Variants in UGT2B11 observed in about 807,000 individuals in gnomAD.
The protein encoded by UGT2B11 is UDP glucuronosyltransferase family 2 member B11.
In UGT2B11, 49 loss-of-function variants were observed where a neutral mutation model predicts 51.7. The ratio of observed to expected loss-of-function variants is 0.95; its 90% confidence interval spans 0.75 to 1.20. The LOEUF (loss-of-function observed/expected upper bound fraction) is 1.20. UGT2B11 is among the 50% of genes most tolerant of loss of function. The probability of loss-of-function intolerance (pLI) is 0.00; values close to 1 mark genes in which losing one functional copy is unlikely to be tolerated. For synonymous variants in UGT2B11, 273 were observed against 209.0 expected (o/e 1.31, Z -2.64); for missense variants, 810 against 622.1 (o/e 1.30, Z -3.21).
intron 2 of UGT2B11, 109 bp downstream of exon 2, chr4:69,212,464 C>CT: frequency 6.5e-7 from 1 of 1,532,514 alleles, no homozygotes; most frequent in Non-Finnish European, 8.8e-7. Flanking sequence ...ACACCACCTA[C>CT]TTCCCATCTT....
chr4:69,200,806 A>C (rs1392108772), intron 5 of UGT2B11, 87 bp from the exon 6 acceptor site: 5 of 1,319,422 alleles, frequency 3.8e-6, no homozygotes, highest in Admixed American at 5.3e-5. Flanking sequence ...TTAAAGCATC[A>C]AATAATTCAA....
At chr4:69,213,871 A>G (rs1486178620) in intron 1 of UGT2B11, 131 bp downstream of exon 1, 13 of 1,273,406 alleles carry the variant, frequency 1.0e-5, no homozygotes, top group African/African-American at 7.6e-5. Flanking sequence ...TTGATAGATC[A>G]TCTTGTATTT....
chr4:69,202,323 T>G (rs1239921095), intron 5 of UGT2B11, among the ~76,000 whole-genome samples: 2 of 151,754 alleles, frequency 1.3e-5, no homozygotes, highest in African/African-American at 2.4e-5. Flanking sequence ...TAAAAGTGCA[T>G]GCAAACTTAT....
At chr4:69,224,171 C>A in the UGT2B11 span, among the ~76,000 whole-genome samples, 1 of 152,084 alleles carries the variant, frequency 6.6e-6, no homozygotes, top group Admixed American at 6.6e-5. Context: ...CTTCATCCTG[C>A]CTAGTGGGAA....
chr4:69,207,321 T>C (rs888914183), intron 3 of UGT2B11, among the ~76,000 whole-genome samples: 3 of 151,672 alleles, frequency 2.0e-5, no homozygotes, highest in East Asian at 1.9e-4. Flanking sequence ...GTTTAACTTT[T>C]ATTTGCTACA....
Position 69,214,643 on chromosome 4 carries a change from A to C in UGT2B11, c.80T>G (p.Leu27Arg). 10 of 1,613,214 alleles carry C rather than the reference A, an allele frequency of 6.2e-6. No individual in the cohort carries two copies. The highest frequency in any genetic ancestry group is 8.5e-6 in the Non-Finnish European group (10 of 1,179,356). Residue 27 changes from leucine to arginine, a missense_variant, in exon 1 of 6, where the codon CTG becomes CGG. Physicochemically the swap from Leu to Arg is moderately radical, Grantham distance 102. Transcript: ENST00000446444. ...YFSSGSCGKV[L>R]VWAAEYSHWM... is the part of the protein sequence containing the mutation. ...ATGGCTGTATTCTGCGGCCCACACC[A>C]GCACTTTTCCACAACTCCCAGAGCT... is the stretch of plus-strand genomic sequence containing the variant.
chr4:69,204,791 C>T (rs1721788560), intron 4 of UGT2B11, 142 bp from the exon 5 acceptor site: 43 of 1,343,984 alleles, frequency 3.2e-5, no homozygotes, highest in Middle Eastern at 2.5e-4. Flanking sequence ...TGAAAAAGCA[C>T]GTACTTGTTT....
Position 69,204,590 on chromosome 4 carries a change from T to C in UGT2B11, c.1150A>G (p.Ile384Val), listed in dbSNP as rs1363401832. ...CCCACCATAGGGATCCCATGGTAGA[T>C]TGCCTCATAGATGCCATTGGCTCCA... ...HGGANGIYEA[I>V]YHGIPMVGIP... Residue 384 changes from isoleucine (I) to valine (V), a missense_variant, in exon 5 of 6, where the codon ATC (isoleucine) becomes GTC (valine). Physicochemically the swap from Ile to Val is conservative, Grantham distance 29. Coordinates refer to ENST00000446444, the MANE Select transcript of UGT2B11 (RefSeq NM_001073.3). The C allele has an allele frequency of 1.9e-6, 3 of 1,612,154 alleles. No individual in the cohort carries two copies. The highest frequency in any genetic ancestry group is 3.3e-5 in the Admixed American group (2 of 59,838).
chr4:69,207,462 A>G (rs1342044628), intron 3 of UGT2B11, among the ~76,000 whole-genome samples: 1 of 151,692 alleles, frequency 6.6e-6, no homozygotes, highest in Non-Finnish European at 1.5e-5. Context: ...AGAAGAAAAT[A>G]TATTCCTACT....
intron 3 of UGT2B11, among the ~76,000 whole-genome samples, 172 bp downstream of exon 3, chr4:69,208,179 C>T (rs566670122): frequency 6.6e-6 from 1 of 151,676 alleles, no homozygotes; most frequent in Non-Finnish European, 1.5e-5. Flanking sequence ...CATGTAACCA[C>T]TAAGTCTGAG....
Position 69,204,662 on chromosome 4 carries a change from G to T in UGT2B11, c.1091-13C>A. On this transcript the variant is annotated splice_polypyrimidine_tract_variant and intron_variant, in intron 4 of 5. Coordinates refer to ENST00000446444, the MANE Select transcript of UGT2B11 (RefSeq NM_001073.3). ...GTTTTTGGATGACCTAGGATTGGAT[G>T]AATTTTAGCAAAATTATTCATAGGA... 1 of 1,610,866 alleles carries T rather than the reference G, an allele frequency of 6.2e-7. No homozygotes were observed. The highest frequency in any genetic ancestry group is 8.5e-7 in the Non-Finnish European group (1 of 1,178,184).
intron 3 of UGT2B11, among the ~76,000 whole-genome samples, 171 bp downstream of exon 3, chr4:69,208,177 CACT>C (rs1218451408): frequency 1.3e-5 from 2 of 151,494 alleles, no homozygotes; most frequent in African/African-American, 4.8e-5. Flanking sequence ...CACATGTAAC[CACT>C]AAGTCTGAGG....
At chr4:69,206,008 G>A (rs1721841705) in intron 3 of UGT2B11, among the ~76,000 whole-genome samples, 1 of 151,552 alleles carries the variant, frequency 6.6e-6, no homozygotes, top group Non-Finnish European at 1.5e-5. Context: ...GAAAAGGAAT[G>A]CTTATACTCT....
rs746911423 is a variant in UGT2B11, at chr4:69,200,566, G to T, written c.1464C>A (p.Tyr488Ter). The T allele has an allele frequency of 2.1e-5, 34 of 1,612,362 alleles. No homozygotes were observed. The South Asian group carries it at 2.9e-4, about 14-fold the overall frequency. The change falls in exon 6 of 6, where the codon TAC (tyrosine) becomes TAA (stop). Residue 488 changes from tyrosine to a stop codon, truncating the protein, a stop_gained. Transcript: ENST00000446444. LOFTEE classifies it high-confidence loss of function. ...GAAACCCAATCACATCCAAAGAGTG[G>T]TACTGGAACCAGGTGAGGTCATGGG... is the stretch of plus-strand genomic sequence containing the variant. ...VAAHDLTWFQ[Y>*]HSLDVIGFLL...
Position 69,212,566 on chromosome 4 carries a change from T to C in UGT2B11, c.870+7A>G. The C allele has an allele frequency of 6.2e-7, 1 of 1,602,936 alleles. No homozygotes were observed. The highest frequency in any genetic ancestry group is 8.5e-7 in the Non-Finnish European group (1 of 1,175,290). The stretch of plus-strand genomic sequence containing the variant: ...CAACAAAATAAAACCAACAAAAGTA[T>C]GTTTACCTTAGGTAGGGGTTTGGCA... On this transcript the variant is annotated splice_region_variant and intron_variant, in intron 2 of 5. Coordinates refer to ENST00000446444, the MANE Select transcript of UGT2B11 (RefSeq NM_001073.3).
chr4:69,208,512 A>T, intron 2 of UGT2B11, 30 bp from the exon 3 acceptor site: 1 of 1,606,568 alleles, frequency 6.2e-7, no homozygotes, highest in Non-Finnish European at 8.5e-7. Context: ...TCATCACAAA[A>T]GAGTATCACC....
Position 69,212,718 on chromosome 4 carries a change from C to T in UGT2B11, c.725G>A (p.Arg242Lys). Reference protein sequence around the residue: ...WDQFYSEVLGRPTTLFETMGK... With the variant: ...WDQFYSEVLGKPTTLFETMGK... ...CATTGTCTCAAATAAGGTAGTGGGT[C>T]TTCCTGACAGGAATAAAGAAAAGAA... The change falls in exon 2 of 6, where the codon AGA becomes AAA. Residue 242 changes from arginine (R) to lysine (K), a missense_variant. By Grantham distance (26) the Arg-to-Lys change is conservative. Transcript: ENST00000446444. 1 of 1,601,898 alleles carries T rather than the reference C, an allele frequency of 6.2e-7. No homozygotes were observed. The highest frequency in any genetic ancestry group is 8.5e-7 in the Non-Finnish European group (1 of 1,175,724).
chr4:69,219,383 G>A (rs756301225), upstream of UGT2B11, among the ~76,000 whole-genome samples: 18 of 152,000 alleles, frequency 1.2e-4, no homozygotes, highest in East Asian at 1.9e-4. Context: ...ATATTCGCCC[G>A]TTCTGTAAGT....
chr4:69,214,952 A>T, upstream of UGT2B11: 1 of 645,416 alleles, frequency 1.5e-6, no homozygotes, highest in East Asian at 3.4e-5. Context: ...TCCACCTAAG[A>T]TTAATGACCT....
Sources: gnomAD v4.1 joint callset for allele counts (sites outside exome capture counted in the v4.1 genomes callset) on GRCh38, gnomAD v4.1.1 for gene constraint, MANE v1.5 for transcripts, NCBI Gene and HGNC (gene_info 2026-07-23, HGNC 2026-07-21) for gene names.